GRXCR2: variants seen among roughly 807,000 people sequenced by gnomAD.
GRXCR2 encodes glutaredoxin and cysteine rich domain containing 2.
GRXCR2 carries 23 observed loss-of-function variants against 24.8 expected under a neutral mutation model. The ratio of observed to expected loss-of-function variants is 0.93; its 90% CI spans 0.67 to 1.32. GRXCR2 has a LOEUF of 1.32. Ranked by LOEUF, GRXCR2 falls within the 40% of genes most tolerant of loss-of-function variation. The pLI, the probability that GRXCR2 is intolerant of heterozygous loss-of-function variation, is 0.00. For synonymous variants in GRXCR2, 130 were observed against 116.1 expected, an observed-to-expected ratio of 1.12 and a Z score of -0.77; for missense variants, 315 against 303.4, an observed-to-expected ratio of 1.04 and a Z score of -0.28.
chr5:145,911,122 C>A (rs748906437), intron 2 of GRXCR2, among the ~76,000 whole-genome samples: 1 of 152,014 alleles, frequency 6.6e-6, no homozygotes. Flanking sequence ...AGGTGTACAG[C>A]GTGATGATTT....
At chr5:145,878,287 T>C (rs1255690110) in intron 2 of GRXCR2, among the ~76,000 whole-genome samples, 3 of 152,058 alleles carry the variant, frequency 2.0e-5, no homozygotes, top group Non-Finnish European at 2.9e-5. Context: ...GCAAGGAAGA[T>C]AAAAACCTTG....
At chr5:145,929,254 T>G (rs1474349636) in intron 2 of GRXCR2, among the ~76,000 whole-genome samples, 1 of 146,942 alleles carries the variant, frequency 6.8e-6, no homozygotes, top group Non-Finnish European at 1.5e-5. Context: ...CCCCTATTTT[T>G]GGACATCAGG....
chr5:145,920,819 G>T (rs1355948425), intron 2 of GRXCR2, among the ~76,000 whole-genome samples: 1 of 152,222 alleles, frequency 6.6e-6, no homozygotes, highest in Non-Finnish European at 1.5e-5. Context: ...AGGAGGCAGG[G>T]CCTTTGGGAA....
chr5:145,904,311 A>C (rs1355327574), intron 2 of GRXCR2, among the ~76,000 whole-genome samples: 1 of 152,202 alleles, frequency 6.6e-6, no homozygotes, highest in African/African-American at 2.4e-5. Context: ...GTAGATCCAG[A>C]GTAGGGCCCA....
intron 2 of GRXCR2, among the ~76,000 whole-genome samples, chr5:145,921,494 A>C (rs951228776): frequency 3.9e-5 from 6 of 152,190 alleles, no homozygotes; most frequent in Admixed American, 6.5e-5. Context: ...TGTGAGATAA[A>C]GGAAGACAAG....
chr5:145,896,475 T>C (rs902063977), intron 2 of GRXCR2, among the ~76,000 whole-genome samples: 40 of 152,232 alleles, frequency 2.6e-4, no homozygotes, highest in African/African-American at 9.1e-4. Context: ...GGGTGAAGGA[T>C]ATGAACAGAC....
intron 2 of GRXCR2, among the ~76,000 whole-genome samples, chr5:145,915,292 T>C (rs1581353695): frequency 6.6e-6 from 1 of 152,314 alleles, no homozygotes; most frequent in South Asian, 2.1e-4. Context: ...GTAGTGTTAA[T>C]CAGTCTGTGG....
At chr5:145,888,351 G>T (rs1756804463) in intron 2 of GRXCR2, among the ~76,000 whole-genome samples, 1 of 152,184 alleles carries the variant, frequency 6.6e-6, no homozygotes, top group Admixed American at 6.5e-5. Flanking sequence ...AACAATGTAA[G>T]CCTTCTCCCA....
At chr5:145,891,784 G>A (rs56335627) in intron 2 of GRXCR2, among the ~76,000 whole-genome samples, 14,353 of 152,172 alleles carry the variant, frequency 0.094, 1,652 homozygotes, top group African/African-American at 0.28. Context: ...TGAAGAGAGT[G>A]GTGGTTCTCC....
chr5:145,923,343 C>A (rs184963403), intron 2 of GRXCR2, among the ~76,000 whole-genome samples: 1 of 151,836 alleles, frequency 6.6e-6, no homozygotes, highest in African/African-American at 2.4e-5. Context: ...AATGAGCCTG[C>A]AAGAAAAAAT....
At chr5:145,895,579 G>A (rs1023566008) in intron 2 of GRXCR2, among the ~76,000 whole-genome samples, 2 of 152,166 alleles carry the variant, frequency 1.3e-5, no homozygotes, top group Non-Finnish European at 2.9e-5. Flanking sequence ...CACAAGGGAT[G>A]TGAAGGACCT....
At chr5:145,908,995 C>A (rs1318645881) in intron 2 of GRXCR2, among the ~76,000 whole-genome samples, 1 of 152,204 alleles carries the variant, frequency 6.6e-6, no homozygotes, top group Non-Finnish European at 1.5e-5. Context: ...ATCTCTGCCA[C>A]TCATTTGCTG....
At position 145,866,500 on chromosome 5, in the gene GRXCR2, C is replaced by T. The variant is rs1374459237; in HGVS notation, c.564+1G>A. The T allele has an allele frequency of 6.2e-7, 1 of 1,611,372 alleles. No homozygotes were observed. Among genetic ancestry groups the T allele is most frequent in the Admixed American group, 1.7e-5 (1 of 59,986 alleles). ...CAGGACAGTCAAGCTCCCCAACGCACCTGTGTATACCGGTTTTGGGGTAAT... is the reference window on the plus strand; with the variant it reads ...CAGGACAGTCAAGCTCCCCAACGCATCTGTGTATACCGGTTTTGGGGTAAT... On this transcript the variant is annotated splice_donor_variant, in intron 2 of 2. Transcript: ENST00000377976. LOFTEE classifies it high-confidence loss of function.
At chr5:145,892,458 A>C (rs2149919541) in intron 2 of GRXCR2, among the ~76,000 whole-genome samples, 1 of 152,322 alleles carries the variant, frequency 6.6e-6, no homozygotes, top group South Asian at 2.1e-4. Context: ...GGAGCTGAAA[A>C]CCATGGCACG....
At chr5:145,875,774 T>C (rs951396503), upstream of GRXCR2, among the ~76,000 whole-genome samples, 1 of 152,112 alleles carries the variant, frequency 6.6e-6, no homozygotes, top group Non-Finnish European at 1.5e-5. Flanking sequence ...ACACCATCAA[T>C]GAATCACAGG....
At chr5:145,860,037 G>A (rs1347153738) in intron 2 of GRXCR2, 122 bp from the exon 3 acceptor site, 12 of 717,570 alleles carry the variant, frequency 1.7e-5, no homozygotes, top group East Asian at 3.0e-5. Context: ...TGCTTCCCAC[G>A]AATGTCAGTG....
chr5:145,883,631 G>A (rs1187311917), intron 2 of GRXCR2, among the ~76,000 whole-genome samples: 1 of 152,166 alleles, frequency 6.6e-6, no homozygotes, highest in Non-Finnish European at 1.5e-5. Flanking sequence ...AGTGGCTCAT[G>A]CCTGTAATCC....
At chr5:145,906,752 A>G (rs1335854707) in intron 2 of GRXCR2, among the ~76,000 whole-genome samples, 1 of 152,224 alleles carries the variant, frequency 6.6e-6, no homozygotes, top group Non-Finnish European at 1.5e-5. Context: ...CTGGAAATAG[A>G]GTGCAAAAAT....
chr5:145,885,015 C>T (rs1241902020), intron 2 of GRXCR2, among the ~76,000 whole-genome samples: 1 of 152,086 alleles, frequency 6.6e-6, no homozygotes, highest in Non-Finnish European at 1.5e-5. Context: ...CCACATCTAA[C>T]ATTTCTAATC....
Sources: allele counts gnomAD v4.1 joint callset (sites outside exome capture counted in the v4.1 genomes callset), GRCh38; gene constraint gnomAD v4.1.1; transcripts MANE v1.5; gene names NCBI Gene and HGNC (gene_info 2026-07-23, HGNC 2026-07-21).